USP15: variants seen among roughly 807,000 people sequenced by gnomAD.
USP15 encodes the protein ubiquitin carboxyl-terminal hydrolase 15.
In USP15, 18 loss-of-function variants were observed where a neutral mutation model predicts 127.1. The observed-to-expected ratio is 0.14, with a 90% CI of 0.10 to 0.21. The LOEUF (loss-of-function observed/expected upper bound fraction) is 0.21. Ranked by LOEUF, USP15 falls within the 10% of genes least tolerant of loss-of-function variation. USP15 has a pLI of 1.00. For missense variants in USP15, 805 were observed against 1,159.9 expected (o/e 0.69, Z 4.44); for synonymous variants, 364 against 393.7 (o/e 0.92, Z 0.89).
At chr12:62,345,365 C>G (rs1167167212) in intron 6 of USP15, among the ~76,000 whole-genome samples, 4 of 152,186 alleles carry the variant, frequency 2.6e-5, no homozygotes, top group Non-Finnish European at 5.9e-5. Flanking sequence ...TTCCTCATTT[C>G]CATCTGAGAC....
In USP15 at chr12:62,407,132, C is replaced by T. The variant is rs2137694294; in HGVS notation, c.*2757C>T. ...ATGATAATAGCCAGCATTTATTGAG[C>T]ACTTACTATGGACCAGGCACTATAT... On this transcript the variant is annotated 3_prime_UTR_variant, in exon 22 of 22. Transcript: ENST00000280377. 1 of 152,262 alleles carries T rather than the reference C, an allele frequency of 6.6e-6. No individual in the cohort carries two copies. The highest frequency in any genetic ancestry group is 1.9e-4 in the East Asian group (1 of 5,184). 9.4% of individuals were successfully genotyped at this position (152,262 alleles called of 1,614,324 possible).
At chr12:62,310,984 G>A (rs2064660263) in intron 3 of USP15, among the ~76,000 whole-genome samples, 1 of 151,938 alleles carries the variant, frequency 6.6e-6, no homozygotes, top group Admixed American at 6.6e-5. Flanking sequence ...GATTAGTGAT[G>A]TTGAACATTT....
chr12:62,312,246 AT>A, intron 3 of USP15: 8 of 326,562 alleles, frequency 2.4e-5, no homozygotes, highest in Non-Finnish European at 4.4e-5. Context: ...ATAGTACTAG[AT>A]TTTTTTAGAA....
rs543872888 is a variant in USP15 at position 62,405,141 on chromosome 12, C to T, written c.*766C>T. On this transcript the variant is annotated 3_prime_UTR_variant, in exon 22 of 22. Transcript: ENST00000280377. Reference sequence around the variant, plus strand: ...CAAAAACATTTTTTGCTTTAAAATGCATATCTTTAATTGGGTGTTGGTCCA... The same window carrying T: ...CAAAAACATTTTTTGCTTTAAAATGTATATCTTTAATTGGGTGTTGGTCCA... The T allele has an allele frequency of 6.6e-6, 1 of 152,156 alleles. No individual in the cohort carries two copies. The highest frequency in any genetic ancestry group is 6.6e-5 in the Admixed American group (1 of 15,262). 9.4% of individuals were successfully genotyped at this position (152,156 alleles called of 1,614,324 possible). A position where few individuals can be genotyped will look rare whatever the true frequency, so the allele number is the denominator to read the frequency against.
intron 3 of USP15, among the ~76,000 whole-genome samples, chr12:62,310,848 G>A (rs556260009): frequency 1.1e-4 from 16 of 151,986 alleles, no homozygotes; most frequent in Non-Finnish European, 1.8e-4. Context: ...CCCATCAACA[G>A]TGTATAAGTG....
intron 1 of USP15, among the ~76,000 whole-genome samples, chr12:62,272,194 A>G (rs1477844979): frequency 6.6e-6 from 1 of 151,940 alleles, no homozygotes; most frequent in East Asian, 1.9e-4. Flanking sequence ...AGAATTAGTC[A>G]TAAGAGTGAA....
intron 2 of USP15, among the ~76,000 whole-genome samples, chr12:62,298,022 A>G (rs1565829868): frequency 6.6e-6 from 1 of 152,250 alleles, no homozygotes; most frequent in Non-Finnish European, 1.5e-5. Flanking sequence ...AAAATTCACT[A>G]GAGGTCTTCA....
At chr12:62,270,087 A>G (rs1333376918) in intron 1 of USP15, among the ~76,000 whole-genome samples, 1 of 151,958 alleles carries the variant, frequency 6.6e-6, no homozygotes, top group Non-Finnish European at 1.5e-5. Flanking sequence ...ATGAAGTAGT[A>G]TCTCATTGTA....
In USP15 at chr12:62,260,437, A is replaced by C. The variant is rs199606121; in HGVS notation, c.23A>C (p.Asp8Ala). 3.6e-5 allele frequency: 56 copies of C among 1,551,502 alleles called. No homozygotes were observed. Reference sequence around the variant, plus strand: ...AAGATGGCGGAAGGCGGAGCGGCGGATCTGGACACCCAGCGGTCTGACATC... The same window carrying C: ...AAGATGGCGGAAGGCGGAGCGGCGGCTCTGGACACCCAGCGGTCTGACATC... Reference protein sequence around the residue: MAEGGAADLDTQRSDIAT... With the variant: MAEGGAAALDTQRSDIAT... The change falls in exon 1 of 22, where the codon GAT becomes GCT. Residue 8 changes from aspartate to alanine, a missense_variant. Coordinates refer to ENST00000280377, the MANE Select transcript of USP15 (RefSeq NM_001252078.2).
intron 6 of USP15, among the ~76,000 whole-genome samples, chr12:62,344,154 G>C (rs530365883): frequency 6.6e-6 from 1 of 152,242 alleles, no homozygotes; most frequent in African/African-American, 2.4e-5. Flanking sequence ...ACACAGTCCA[G>C]TGTCTCATTC....
intron 1 of USP15, among the ~76,000 whole-genome samples, chr12:62,268,373 G>A (rs575425219): frequency 6.6e-6 from 1 of 152,024 alleles, no homozygotes; most frequent in African/African-American, 2.4e-5. Context: ...ACAAATACTT[G>A]AAAGTATTAA....
intron 6 of USP15, among the ~76,000 whole-genome samples, chr12:62,341,042 A>G (rs2065629886): frequency 6.6e-6 from 1 of 152,282 alleles, no homozygotes; most frequent in Non-Finnish European, 1.5e-5. Context: ...AACTTGTTTT[A>G]TGAATCTGGG....
intron 3 of USP15, 125 bp downstream of exon 3, chr12:62,303,045 A>G: frequency 2.8e-6 from 3 of 1,058,712 alleles, no homozygotes; most frequent in Non-Finnish European, 4.0e-6. Context: ...AAATAACCGT[A>G]CACTGTGTTA....
intron 8 of USP15, among the ~76,000 whole-genome samples, chr12:62,380,933 AC>A (rs11340270): frequency 0.22 from 34,073 of 152,026 alleles, 4,162 homozygotes; most frequent in African/African-American, 0.34. Flanking sequence ...GAACACACTT[AC>A]CAGAGTTCAC....
chr12:62,280,837 A>G (rs2063627433), intron 1 of USP15, among the ~76,000 whole-genome samples: 1 of 152,190 alleles, frequency 6.6e-6, no homozygotes, highest in Admixed American at 6.5e-5. Context: ...GCTGAGTCTA[A>G]AGAGGTAGCT....
rs774767375 is a variant in USP15, at chr12:62,302,815, A to G, written c.243A>G (p.Glu81=). Residue 81 remains glutamate, a synonymous_variant, in exon 3 of 22, where the codon GAA becomes GAG. Coordinates refer to ENST00000280377, the MANE Select transcript of USP15 (RefSeq NM_001252078.2). Reference sequence around the variant, plus strand: ...ATGGTGATGCCCAGTCACTTAAGGAACACCTTATTGATGAATTGGATTACA... The same window carrying G: ...ATGGTGATGCCCAGTCACTTAAGGAGCACCTTATTGATGAATTGGATTACA... The part of the protein sequence containing the change: ...LKDGDAQSLK[E]HLIDELDYIL... 6.2e-7 allele frequency: 1 copy of G among 1,611,566 alleles called. No individual in the cohort carries two copies.
chr12:62,285,455 GGTGTTTGTGTCTTT>G (rs1323134082), intron 1 of USP15, among the ~76,000 whole-genome samples: 1 of 152,048 alleles, frequency 6.6e-6, no homozygotes, highest in East Asian at 1.9e-4. Context: ...AGTATTCCAT[GGTGTTTGTGTCTTT>G]GTGTTTGTGT....
intron 14 of USP15, 82 bp downstream of exon 14, chr12:62,390,070 T>C: frequency 1.1e-5 from 14 of 1,288,186 alleles, no homozygotes; most frequent in Non-Finnish European, 1.3e-5. Flanking sequence ...ACACATAAGG[T>C]ACTATTGGAA....
chr12:62,289,197 AATCT>A (rs2063875498), intron 1 of USP15, among the ~76,000 whole-genome samples: 1 of 149,518 alleles, frequency 6.7e-6, no homozygotes, highest in East Asian at 1.9e-4. Context: ...TTCAGCTCTG[AATCT>A]GTCCTCTCCT....
Sources: gnomAD v4.1 joint callset for allele counts (sites outside exome capture counted in the v4.1 genomes callset) on GRCh38, gnomAD v4.1.1 for gene constraint, MANE v1.5 for transcripts, NCBI Gene and HGNC (gene_info 2026-07-23, HGNC 2026-07-21) for gene names.